The following CTNNA3 variants were observed in gnomAD, a reference collection of about 807,000 sequenced individuals.
CTNNA3 encodes the protein catenin alpha 3, also known as catenin alpha-3.
In CTNNA3, 76 loss-of-function variants were observed where a neutral mutation model predicts 95.7. The ratio of observed to expected loss-of-function variants is 0.79; its 90% CI spans 0.66 to 0.96. CTNNA3 has a LOEUF of 0.96. Ranked by LOEUF, CTNNA3 falls within the 40% of genes least tolerant of loss-of-function variation. CTNNA3 has a pLI of 0.00. For synonymous variants in CTNNA3, 431 were observed against 374.4 expected (o/e 1.15, Z -1.74); for missense variants, 1,191 against 1,089.8 (o/e 1.09, Z -1.31).
chr10:66,373,837 T>C lies in CTNNA3; in HGVS notation c.1732+5315A>G, dbSNP rs137964150. On this transcript the variant is annotated intron_variant, in intron 12 of 17. Transcript: ENST00000433211. Reference sequence around the variant, plus strand: ...TTCTTGTAAGTAATTGAATACACAATATTCATGATCAATTGTTCAAAAGCT... The same window carrying C: ...TTCTTGTAAGTAATTGAATACACAACATTCATGATCAATTGTTCAAAAGCT... Among the ~76,000 whole-genome samples, 919 of 152,302 alleles carry C rather than the reference T, an allele frequency of 6.0e-3. 10 individuals carry two copies. The highest frequency in any genetic ancestry group is 0.014 in the South Asian group (70 of 4,830).
chr10:67,721,370 T>C (rs1444853174), intron 1 of CTNNA3, among the ~76,000 whole-genome samples: 1 of 152,148 alleles, frequency 6.6e-6, no homozygotes, highest in Non-Finnish European at 1.5e-5. Context: ...CATTTTTTTT[T>C]CTTTAATCTT....
chr10:67,417,416 T>G lies in CTNNA3; in HGVS notation c.579+104426A>C, dbSNP rs1845584245. On this transcript the variant is annotated intron_variant, in intron 5 of 17. Transcript: ENST00000433211. ...TCATGCAATATTCCCATGTAACAAA[T>G]CTGCACATGTACCCCCTGTATCTAC... Among the ~76,000 whole-genome samples, 5 of 152,062 alleles carry G rather than the reference T, an allele frequency of 3.3e-5. No individual in the cohort carries two copies. In the South Asian group the frequency reaches 1.0e-3, roughly 32 times the overall value.
chr10:67,387,794 G>A (rs570053064), intron 5 of CTNNA3, among the ~76,000 whole-genome samples: 6 of 152,300 alleles, frequency 3.9e-5, no homozygotes, highest in South Asian at 2.1e-4. Context: ...CCTCCAGCAG[G>A]AGCACACTGA....
chr10:67,711,174 G>A (rs185607976), intron 1 of CTNNA3, among the ~76,000 whole-genome samples: 53 of 152,246 alleles, frequency 3.5e-4, no homozygotes, highest in Non-Finnish European at 6.8e-4. Flanking sequence ...GCCCAGTATT[G>A]GGTATGTCTT....
intron 1 of CTNNA3, chr10:67,648,715 G>A (rs1397145320): frequency 1.6e-6 from 2 of 1,287,644 alleles, no homozygotes; most frequent in African/African-American, 3.0e-5. Flanking sequence ...TAAAGTCAAA[G>A]CCCTACAATT....
At chr10:67,419,176 T>C (rs1328607069) in intron 5 of CTNNA3, among the ~76,000 whole-genome samples, 1 of 152,102 alleles carries the variant, frequency 6.6e-6, no homozygotes, top group Non-Finnish European at 1.5e-5. Flanking sequence ...CCTCAGGTGG[T>C]TCATGTGTAC....
rs3841706 is a variant in CTNNA3, at chr10:67,052,313, A to ACTCTCTCTCTCT, written c.1047+127992_1047+128003dup. Among the ~76,000 whole-genome samples the ACTCTCTCTCTCT allele has an allele frequency of 8.0e-3, 969 of 121,024 alleles. 23 individuals are homozygous for ACTCTCTCTCTCT. The highest frequency in any genetic ancestry group is 0.019 in the African/African-American group (565 of 30,092). 79.4% of individuals were successfully genotyped at this position (121,024 alleles called of 152,430 possible). A position where few individuals can be genotyped will look rare whatever the true frequency, so the allele number is the denominator to read the frequency against. ...AGAAGAATCTTCACACCCACTCATC[A>ACTCTCTCTCTCT]CTCTCTCTCTCTCTCTCTCTCTCTC... On this transcript the variant is annotated intron_variant, in intron 7 of 17. Coordinates refer to ENST00000433211, the MANE Select transcript of CTNNA3 (RefSeq NM_013266.4).
chr10:67,059,017 A>T (rs1855603755), intron 7 of CTNNA3, among the ~76,000 whole-genome samples: 1 of 152,208 alleles, frequency 6.6e-6, no homozygotes, highest in African/African-American at 2.4e-5. Flanking sequence ...AAATTCTGCT[A>T]ATGCAGCCTT....
chr10:66,108,385 T>C (rs1007598936), intron 13 of CTNNA3, among the ~76,000 whole-genome samples: 1 of 152,036 alleles, frequency 6.6e-6, no homozygotes, highest in Non-Finnish European at 1.5e-5. Context: ...GTCAGCACTT[T>C]CCACTTAAGA....
intron 13 of CTNNA3, among the ~76,000 whole-genome samples, chr10:66,186,903 G>A (rs1208496366): frequency 6.6e-6 from 1 of 152,116 alleles, no homozygotes; most frequent in African/African-American, 2.4e-5. Flanking sequence ...TATAGGTAAT[G>A]TTTATTAGAA....
chr10:67,409,521 T>G (rs2132833689), intron 5 of CTNNA3, among the ~76,000 whole-genome samples: 1 of 148,068 alleles, frequency 6.8e-6, no homozygotes, highest in Admixed American at 6.8e-5. Flanking sequence ...CACTTATAAG[T>G]GGGAGGTGAA....
At chr10:67,396,028 TAAA>T (rs1844694487) in intron 5 of CTNNA3, among the ~76,000 whole-genome samples, 2 of 152,214 alleles carry the variant, frequency 1.3e-5, no homozygotes, top group Non-Finnish European at 1.5e-5. Context: ...TGTATGTTTG[TAAA>T]ATAAAAGCAG....
intron 7 of CTNNA3, among the ~76,000 whole-genome samples, chr10:66,882,111 T>C (rs568547138): frequency 3.3e-5 from 5 of 152,052 alleles, no homozygotes; most frequent in Admixed American, 6.6e-5. Flanking sequence ...GAAAATGCCC[T>C]ATACATATCA....
At chr10:66,025,077 G>T (rs983715170) in intron 15 of CTNNA3, among the ~76,000 whole-genome samples, 6 of 152,150 alleles carry the variant, frequency 3.9e-5, no homozygotes, top group African/African-American at 1.4e-4. Flanking sequence ...GGCAATATTG[G>T]CTTCTGCAAG....
At chr10:67,043,131 C>CTTTTTT (rs1284606581) in intron 7 of CTNNA3, among the ~76,000 whole-genome samples, 1 of 60,210 alleles carries the variant, frequency 1.7e-5, no homozygotes. Context: ...GGCTCACTTT[C>CTTTTTT]TTTCTTTTTT....
intron 11 of CTNNA3, among the ~76,000 whole-genome samples, chr10:66,506,164 T>C (rs1476148838): frequency 1.3e-5 from 2 of 152,102 alleles, no homozygotes; most frequent in African/African-American, 4.8e-5. Flanking sequence ...ATTCACTCAT[T>C]ACCAAGAGGA....
chr10:67,554,578 T>C (rs1032049433), intron 3 of CTNNA3, among the ~76,000 whole-genome samples: 6 of 152,366 alleles, frequency 3.9e-5, no homozygotes, highest in Middle Eastern at 3.4e-3. Flanking sequence ...TCTATTCATA[T>C]CCTTCACTTA....
chr10:66,160,927 T>C (rs917947215), intron 13 of CTNNA3, among the ~76,000 whole-genome samples: 2 of 152,196 alleles, frequency 1.3e-5, no homozygotes, highest in African/African-American at 4.8e-5. Context: ...TTTACCATTA[T>C]ATAATGTCCC....
intron 7 of CTNNA3, among the ~76,000 whole-genome samples, chr10:66,870,661 C>A (rs1312715837): frequency 6.6e-6 from 1 of 152,140 alleles, no homozygotes; most frequent in Non-Finnish European, 1.5e-5. Flanking sequence ...TCTAATTTCA[C>A]CATCTCTCCT....
Sources: gnomAD v4.1 joint callset for allele counts (sites outside exome capture counted in the v4.1 genomes callset) on GRCh38, gnomAD v4.1.1 for gene constraint, MANE v1.5 for transcripts, NCBI Gene and HGNC (gene_info 2026-07-23, HGNC 2026-07-21) for gene names.